Variants in EYS observed in about 807,000 individuals in gnomAD.
EYS encodes the protein EGF-like photoreceptor maintenance factor.
Under a neutral mutation model 282.1 loss-of-function variants are expected in EYS, and 250 were observed. The ratio of observed to expected loss-of-function variants is 0.89; its 90% CI spans 0.80 to 0.98. The LOEUF (loss-of-function observed/expected upper bound fraction) is 0.98. EYS is among the 50% of genes least tolerant of loss of function. The pLI is 0.00. For synonymous variants in EYS, 1,355 were observed against 1,282.9 expected (o/e 1.06, Z -1.20); for missense variants, 4,016 against 3,709.0 (o/e 1.08, Z -2.15).
intron 1 of EYS, among the ~76,000 whole-genome samples, chr6:65,655,168 T>C (rs1479373350): frequency 1.3e-5 from 2 of 151,576 alleles, no homozygotes; most frequent in Non-Finnish European, 3.0e-5. Flanking sequence ...CTGGATGACA[T>C]TGAAAACTCA....
chr6:63,999,848 C>G (rs1283301279), intron 33 of EYS, among the ~76,000 whole-genome samples: 1 of 152,150 alleles, frequency 6.6e-6, no homozygotes, highest in Non-Finnish European at 1.5e-5. Context: ...GGTACATATA[C>G]TAAGGTACTT....
intron 12 of EYS, among the ~76,000 whole-genome samples, chr6:65,134,021 C>T (rs1775954576): frequency 6.6e-6 from 1 of 152,016 alleles, no homozygotes; most frequent in Admixed American, 6.6e-5. Context: ...CTTAATATAA[C>T]TGACCATTAG....
At chr6:65,208,656 G>A (rs1766096441) in intron 12 of EYS, among the ~76,000 whole-genome samples, 1 of 151,820 alleles carries the variant, frequency 6.6e-6, no homozygotes, top group South Asian at 2.1e-4. Flanking sequence ...GCTGCAACAT[G>A]GATAGAGCTG....
At chr6:65,648,982 TA>T (rs1344638853) in intron 1 of EYS, among the ~76,000 whole-genome samples, 12 of 151,510 alleles carry the variant, frequency 7.9e-5, no homozygotes, top group Admixed American at 1.3e-4. Context: ...CCATCTCTAC[TA>T]AAAATACAAA....
chr6:64,858,058 C>T (rs949757311), intron 19 of EYS, among the ~76,000 whole-genome samples: 5 of 152,002 alleles, frequency 3.3e-5, no homozygotes, highest in African/African-American at 1.2e-4. Context: ...TGCCTCTTCA[C>T]TTTATTAATT....
At chr6:65,574,333 T>G (rs1764583628) in intron 2 of EYS, among the ~76,000 whole-genome samples, 1 of 152,006 alleles carries the variant, frequency 6.6e-6, no homozygotes, top group Non-Finnish European at 1.5e-5. Flanking sequence ...ATAATCAAAC[T>G]GTCCAAAATC....
At chr6:64,447,655 T>C (rs1775162243) in intron 26 of EYS, among the ~76,000 whole-genome samples, 1 of 152,134 alleles carries the variant, frequency 6.6e-6, no homozygotes, top group African/African-American at 2.4e-5. Context: ...AAACAATCAA[T>C]AATACTGAAA....
At chr6:65,540,427 T>G (rs537390124) in intron 2 of EYS, among the ~76,000 whole-genome samples, 5 of 152,194 alleles carry the variant, frequency 3.3e-5, no homozygotes, top group Admixed American at 6.5e-5. Context: ...TGCCACATTT[T>G]AAAGCCAATT....
Position 64,539,203 on chromosome 6 carries a change from T to G in EYS, c.5644+51020A>C, listed in dbSNP as rs189860416. ...ATGACAATGTGAATATACTTAACAC[T>G]ACAGAACTTCACACTTAAAAATTAA... On this transcript the variant is annotated intron_variant, in intron 26 of 42. Coordinates refer to ENST00000503581, the MANE Select transcript of EYS (RefSeq NM_001142800.2). Among the ~76,000 whole-genome samples, 9 of 152,288 alleles carry G rather than the reference T, an allele frequency of 5.9e-5. No homozygotes were observed. The East Asian group carries it at 1.7e-3, about 29-fold the overall frequency.
At chr6:65,701,406 A>G (rs1769669148) in intron 1 of EYS, among the ~76,000 whole-genome samples, 1 of 152,172 alleles carries the variant, frequency 6.6e-6, no homozygotes, top group Non-Finnish European at 1.5e-5. Flanking sequence ...CCATTTTTCT[A>G]GGTTCCCTAT....
chr6:64,445,362 T>C (rs1775084835), intron 26 of EYS, among the ~76,000 whole-genome samples: 1 of 152,186 alleles, frequency 6.6e-6, no homozygotes, highest in Admixed American at 6.5e-5. Flanking sequence ...CTATACATTT[T>C]TATTGTCTAG....
chr6:63,892,249 C>CA lies in EYS; in HGVS notation c.7056-27892dup, dbSNP rs1327672066. ...ACCTACTTTAAATTTCATATGGAACCAAAAAAGAGCCCATATAGACAAGAC... is the reference window on the plus strand; with the variant it reads ...ACCTACTTTAAATTTCATATGGAACCAAAAAAAGAGCCCATATAGACAAGAC... On this transcript the variant is annotated intron_variant, in intron 35 of 42. Coordinates refer to ENST00000503581, the MANE Select transcript of EYS (RefSeq NM_001142800.2). Among the ~76,000 whole-genome samples, 3 of 152,108 alleles carry CA rather than the reference C, an allele frequency of 2.0e-5. No individual in the cohort carries two copies. In the East Asian group the frequency reaches 5.8e-4, roughly 29 times the overall value.
At chr6:64,746,605 A>G (rs913164820) in intron 22 of EYS, among the ~76,000 whole-genome samples, 1 of 152,220 alleles carries the variant, frequency 6.6e-6, no homozygotes, top group African/African-American at 2.4e-5. Flanking sequence ...ACATGAATAA[A>G]GAATTTAGGA....
At chr6:65,010,464 A>T (rs899271222) in intron 13 of EYS, among the ~76,000 whole-genome samples, 1 of 152,242 alleles carries the variant, frequency 6.6e-6, no homozygotes, top group Non-Finnish European at 1.5e-5. Context: ...TTTCTTCCAG[A>T]CAATGAAGAA....
chr6:64,534,132 CTTAGATCTCTACATTTAGAGATCTAAAT>C (rs967856017), intron 26 of EYS, among the ~76,000 whole-genome samples: 19 of 151,404 alleles, frequency 1.3e-4, no homozygotes, highest in African/African-American at 1.9e-4. Flanking sequence ...AACCTAAACC[CTTAGATCTCTACATTTAGAGATCTAAAT>C]TTAGATCTCT....
chr6:64,535,240 T>C (rs879021578), intron 26 of EYS, among the ~76,000 whole-genome samples: 1 of 152,174 alleles, frequency 6.6e-6, no homozygotes, highest in Non-Finnish European at 1.5e-5. Context: ...GAATAAGAAT[T>C]TTTTAAATCT....
At chr6:65,200,183 G>C (rs1393332895) in intron 12 of EYS, among the ~76,000 whole-genome samples, 1 of 148,044 alleles carries the variant, frequency 6.8e-6, no homozygotes, top group African/African-American at 2.6e-5. Flanking sequence ...AGATAATTCT[G>C]AAGCTCTCAG....
chr6:65,674,389 T>A (rs1348129377), intron 1 of EYS, among the ~76,000 whole-genome samples: 1 of 135,424 alleles, frequency 7.4e-6, no homozygotes, highest in Admixed American at 8.6e-5. Flanking sequence ...AGCACAATAT[T>A]GCAGTGAGGC....
intron 11 of EYS, chr6:65,332,505 G>A (rs1769833667): frequency 3.7e-6 from 4 of 1,095,478 alleles, no homozygotes; most frequent in African/African-American, 3.1e-5. Flanking sequence ...TTTATTCAGA[G>A]TATATACAAT....
Sources: gnomAD v4.1 joint callset for allele counts (sites outside exome capture counted in the v4.1 genomes callset) on GRCh38, gnomAD v4.1.1 for gene constraint, MANE v1.5 for transcripts, NCBI Gene and HGNC (gene_info 2026-07-23, HGNC 2026-07-21) for gene names.